Variants in ANAPC5 observed in about 807,000 individuals in gnomAD.
ANAPC5 encodes anaphase promoting complex subunit 5.
ANAPC5 carries 60 observed loss-of-function variants against 91.3 expected under a neutral mutation model. The ratio of observed to expected loss-of-function variants is 0.66; its 90% CI spans 0.53 to 0.81. The LOEUF is 0.81. Ranked by LOEUF, ANAPC5 falls within the 40% of genes least tolerant of loss-of-function variation. The pLI is 0.00. For synonymous variants in ANAPC5, 340 were observed against 364.1 expected (o/e 0.93, Z 0.75); for missense variants, 690 against 931.5 (o/e 0.74, Z 3.37).
chr12:121,352,585 CT>C, upstream of ANAPC5: 1 of 458,330 alleles, frequency 2.2e-6, no homozygotes, highest in Non-Finnish European at 3.9e-6. Flanking sequence ...CCTACAGAAA[CT>C]TTTGCCGAGT....
chr12:121,353,551 C>T (rs1384518086), upstream of ANAPC5, among the ~76,000 whole-genome samples: 2 of 152,054 alleles, frequency 1.3e-5, no homozygotes, highest in African/African-American at 2.4e-5. Flanking sequence ...CGCCATTCTC[C>T]TGCTTCAGCC....
At chr12:121,340,054 C>T (rs537838667) in intron 5 of ANAPC5, among the ~76,000 whole-genome samples, 4 of 151,370 alleles carry the variant, frequency 2.6e-5, no homozygotes, top group Admixed American at 1.3e-4. Context: ...CAGTGGCTCA[C>T]GCCTGTAATC....
intron 11 of ANAPC5, among the ~76,000 whole-genome samples, chr12:121,325,165 A>G (rs1239526314): frequency 1.3e-5 from 2 of 152,126 alleles, no homozygotes. Context: ...CCCTGTCTCA[A>G]AAAAAATTAA....
At chr12:121,343,007 A>T (rs1903520650) in intron 4 of ANAPC5, among the ~76,000 whole-genome samples, 1 of 152,208 alleles carries the variant, frequency 6.6e-6, no homozygotes, top group African/African-American at 2.4e-5. Context: ...GTTAGATTTA[A>T]ATATAAAGAA....
intron 15 of ANAPC5, among the ~76,000 whole-genome samples, chr12:121,310,835 G>C (rs1902136649): frequency 6.7e-6 from 1 of 149,904 alleles, no homozygotes; most frequent in South Asian, 2.1e-4. Flanking sequence ...TTTGGTGGCT[G>C]AGACAGGAGA....
At chr12:121,341,655 A>G (rs1903465169) in intron 5 of ANAPC5, among the ~76,000 whole-genome samples, 1 of 152,228 alleles carries the variant, frequency 6.6e-6, no homozygotes, top group South Asian at 2.1e-4. Flanking sequence ...AGGTATGGGT[A>G]ATTACCATAC....
chr12:121,340,655 C>T (rs1056071966), intron 5 of ANAPC5, among the ~76,000 whole-genome samples: 6 of 151,702 alleles, frequency 4.0e-5, no homozygotes, highest in Non-Finnish European at 7.4e-5. Context: ...CGGGTTCAAG[C>T]GATTCTCCTG....
In ANAPC5 at chr12:121,318,261, A is replaced by C. The variant is rs1489321802; in HGVS notation, c.1893+16T>G. On this transcript the variant is annotated intron_variant, in intron 15 of 16. Transcript: ENST00000261819. ...TTGAGCACAAATATGTGCTATAAAAACAGAGATCGGCTTACCTGCGCAAAA... is the reference window on the plus strand; with the variant it reads ...TTGAGCACAAATATGTGCTATAAAACCAGAGATCGGCTTACCTGCGCAAAA... The C allele has an allele frequency of 6.6e-7, 1 of 1,510,294 alleles. No homozygotes were observed. The allele number at this position is 1,510,294 out of a possible 1,614,324, so 93.6% of individuals were successfully genotyped here. A position where few individuals can be genotyped will look rare whatever the true frequency, so the allele number is the denominator to read the frequency against.
At chr12:121,351,601 G>A (rs975384311) in intron 1 of ANAPC5, among the ~76,000 whole-genome samples, 5 of 151,858 alleles carry the variant, frequency 3.3e-5, no homozygotes, top group Non-Finnish European at 4.4e-5. Flanking sequence ...GAAATTACAG[G>A]TGCCCGCCAC....
At chr12:121,334,525 A>G (rs1330773112) in intron 7 of ANAPC5, 4 of 152,302 alleles carry the variant, frequency 2.6e-5, no homozygotes, top group East Asian at 1.9e-4. Context: ...ACCTTTCACC[A>G]TTATTTACAT....
At chr12:121,346,845 C>T (rs782541218) in intron 3 of ANAPC5, 51 bp downstream of exon 3, 10 of 1,119,790 alleles carry the variant, frequency 8.9e-6, no homozygotes, top group Non-Finnish European at 1.3e-5. Flanking sequence ...ACTTAGAAAG[C>T]TGCTCACTTC....
intron 15 of ANAPC5, among the ~76,000 whole-genome samples, chr12:121,317,693 G>A (rs560869134): frequency 6.6e-6 from 1 of 152,190 alleles, no homozygotes; most frequent in Admixed American, 6.5e-5. Context: ...TTAAATCTCC[G>A]CAATAATTCT....
rs1903488476 is a variant in ANAPC5, at chr12:121,342,259, T to A, written c.591-190A>T. Among the ~76,000 whole-genome samples, 1 of 152,186 alleles carries A rather than the reference T, an allele frequency of 6.6e-6. No homozygotes were observed. Among genetic ancestry groups the A allele is most frequent in the Non-Finnish European group, 1.5e-5 (1 of 68,030 alleles). On this transcript the variant is annotated intron_variant, in intron 4 of 16. Coordinates refer to ENST00000261819, the MANE Select transcript of ANAPC5 (RefSeq NM_016237.5). The surrounding 1 kb of genome is among the most constrained non-coding windows in gnomAD (Gnocchi z 4.1). ...CAGAGCCCATAAAGAAGCCCTGGCA[T>A]GCATGGTCAAATGGTTTTTGGCAAC...
Position 121,346,923 on chromosome 12 carries a change from G to C in ANAPC5, c.370C>G (p.Pro124Ala), listed in dbSNP as rs1254690168. 1.2e-6 allele frequency: 2 copies of C among 1,609,916 alleles called. No individual in the cohort carries two copies. Among genetic ancestry groups the C allele is most frequent in the South Asian group, 1.1e-5 (1 of 90,168 alleles). The change falls in exon 3 of 17, where the codon CCA (proline) becomes GCA (alanine). Residue 124 changes from proline (P) to alanine (A), a missense_variant. Physicochemically the swap from Pro to Ala is conservative, Grantham distance 27 (BLOSUM62 -1). Transcript: ENST00000261819. The stretch of plus-strand genomic sequence containing the variant: ...ACTACACTTGTTTTGTGAACCTCTG[G>C]TTCAGTTCCAGAGAAAGAATCTGAA... ...DLSDSFSGTE[P>A]EVHKTSVVGL...
intron 11 of ANAPC5, among the ~76,000 whole-genome samples, chr12:121,326,856 T>C (rs1555272297): frequency 6.6e-6 from 1 of 152,168 alleles, no homozygotes; most frequent in Non-Finnish European, 1.5e-5. Context: ...TTTCCTTAGT[T>C]ACATGAAACT....
In ANAPC5 at chr12:121,342,010, GA is replaced by G. The variant is rs1555274147; in HGVS notation, c.649del (p.Ser217LeufsTer7). ...ATTACAGAATTCACATACCTGTTGA[GA>G]AAGAAAAAATTCTGCTTGTTTTTGG... is the stretch of plus-strand genomic sequence containing the variant. ...LSQKQAEFFL[S>X]QQASLLKNDE... On this transcript the variant is annotated frameshift_variant, in exon 5 of 17. Transcript: ENST00000261819. LOFTEE classifies it high-confidence loss of function. The surrounding 1 kb of genome is among the most constrained non-coding windows in gnomAD (Gnocchi z 4.1). 6.2e-7 allele frequency: 1 copy of G among 1,609,858 alleles called. No homozygotes were observed. Among genetic ancestry groups the G allele is most frequent in the Non-Finnish European group, 8.5e-7 (1 of 1,178,446 alleles).
At chr12:121,333,577 G>A (rs1324267979) in intron 7 of ANAPC5, 4 of 152,146 alleles carry the variant, frequency 2.6e-5, no homozygotes, top group African/African-American at 9.7e-5. Flanking sequence ...GGAGTTTTGA[G>A]GAGCCTTAAA....
chr12:121,322,798 A>T (rs1902670367), intron 11 of ANAPC5, among the ~76,000 whole-genome samples: 1 of 152,148 alleles, frequency 6.6e-6, no homozygotes, highest in South Asian at 2.1e-4. Context: ...CAAGGAGGGC[A>T]GATCACTTGA....
At chr12:121,334,799 C>T (rs1284204455) in intron 7 of ANAPC5, 1 of 152,138 alleles carries the variant, frequency 6.6e-6, no homozygotes, top group Non-Finnish European at 1.5e-5. Context: ...CTAAAAATAG[C>T]TTCTGCATCC....
Sources: allele counts gnomAD v4.1 joint callset (sites outside exome capture counted in the v4.1 genomes callset), GRCh38; gene constraint gnomAD v4.1.1; non-coding constraint Gnocchi (gnomAD v3.1); transcripts MANE v1.5; gene names NCBI Gene and HGNC (gene_info 2026-07-23, HGNC 2026-07-21).